Variants in EHBP1 observed in about 807,000 individuals in gnomAD.
EHBP1 encodes the protein EH domain binding protein 1.
In EHBP1, 55 loss-of-function variants were observed where a neutral mutation model predicts 144.0. That is an observed-to-expected ratio of 0.38 (90% confidence interval 0.31 to 0.48). EHBP1 has a LOEUF of 0.48. Ranked by LOEUF, EHBP1 falls within the 20% of genes least tolerant of loss-of-function variation. EHBP1 has a pLI of 0.98. For missense variants in EHBP1, 1,200 were observed against 1,364.2 expected (o/e 0.88, Z 1.90); for synonymous variants, 469 against 472.7 (o/e 0.99, Z 0.10).
chr2:63,001,430 A>G (rs943332399), intron 19 of EHBP1, among the ~76,000 whole-genome samples: 32 of 152,292 alleles, frequency 2.1e-4, no homozygotes, highest in African/African-American at 7.5e-4. Context: ...ACTTTTTTCT[A>G]TACATTCTTC....
intron 1 of EHBP1, among the ~76,000 whole-genome samples, chr2:62,697,142 A>T (rs2034128106): frequency 6.6e-6 from 1 of 152,214 alleles, no homozygotes; most frequent in Admixed American, 6.5e-5. Context: ...CATTTCTCTC[A>T]GACAATGTAA....
chr2:62,818,078 G>T (rs930252208), intron 5 of EHBP1, among the ~76,000 whole-genome samples: 3 of 151,632 alleles, frequency 2.0e-5, no homozygotes, highest in Non-Finnish European at 4.4e-5. Context: ...GAAAAATACA[G>T]GTGTACCATT....
At chr2:62,783,639 CCCTTGCT>C (rs1344230808) in intron 5 of EHBP1, among the ~76,000 whole-genome samples, 8 of 152,236 alleles carry the variant, frequency 5.3e-5, no homozygotes, top group African/African-American at 1.9e-4. Context: ...CCCCTTTTAG[CCCTTGCT>C]CAAGTGGCTG....
At chr2:62,737,951 G>A (rs1255520201) in intron 2 of EHBP1, among the ~76,000 whole-genome samples, 1 of 152,046 alleles carries the variant, frequency 6.6e-6, no homozygotes, top group Non-Finnish European at 1.5e-5. Flanking sequence ...TTTTTGTAGA[G>A]ACAAGGTCTC....
chr2:62,807,845 T>C (rs1368127830), intron 5 of EHBP1, among the ~76,000 whole-genome samples: 1 of 152,144 alleles, frequency 6.6e-6, no homozygotes, highest in Admixed American at 6.5e-5. Flanking sequence ...TCCACACTTG[T>C]TTGTATGGTT....
chr2:62,979,143 C>T (rs2058844636), intron 14 of EHBP1, 45 bp from the exon 15 acceptor site: 1 of 1,563,814 alleles, frequency 6.4e-7, no homozygotes, highest in African/African-American at 1.4e-5. Flanking sequence ...AATGAAATTG[C>T]ATTTCTGTCA....
At chr2:62,749,809 T>C (rs1332641634) in intron 3 of EHBP1, among the ~76,000 whole-genome samples, 2 of 152,216 alleles carry the variant, frequency 1.3e-5, no homozygotes, top group Non-Finnish European at 2.9e-5. Flanking sequence ...TCATATCCTT[T>C]GCCCACTTGT....
intron 7 of EHBP1, among the ~76,000 whole-genome samples, chr2:62,854,912 A>T (rs966051917): frequency 6.6e-6 from 1 of 152,088 alleles, no homozygotes; most frequent in Non-Finnish European, 1.5e-5. Flanking sequence ...GTGCTACTAA[A>T]TCTGCCCAAG....
chr2:62,838,564 A>T lies in EHBP1; in HGVS notation c.634+7406A>T, dbSNP rs531080096. On this transcript the variant is annotated intron_variant, in intron 7 of 22. Coordinates refer to ENST00000431489, the MANE Select transcript of EHBP1 (RefSeq NM_001142616.3). Reference sequence around the variant, plus strand: ...AGTGAATCCAGGAGCTGGTTTTTTGAAAGGATCAACAAAATTGATAGACCA... The same window carrying T: ...AGTGAATCCAGGAGCTGGTTTTTTGTAAGGATCAACAAAATTGATAGACCA... Among the ~76,000 whole-genome samples, 7 of 152,280 alleles carry T rather than the reference A, an allele frequency of 4.6e-5. 1 individual carries two copies. In the South Asian group the frequency reaches 1.5e-3, roughly 32 times the overall value.
At chr2:62,995,647 G>A (rs2059600696) in intron 18 of EHBP1, among the ~76,000 whole-genome samples, 1 of 151,996 alleles carries the variant, frequency 6.6e-6, no homozygotes, top group Non-Finnish European at 1.5e-5. Flanking sequence ...TAGGAGTGGT[G>A]GTGGTAAGAA....
chr2:62,912,308 T>C (rs2054285310), intron 10 of EHBP1, among the ~76,000 whole-genome samples: 1 of 152,108 alleles, frequency 6.6e-6, no homozygotes, highest in Non-Finnish European at 1.5e-5. Flanking sequence ...TCCCAGCACT[T>C]TGGAAGGCTG....
At chr2:62,873,832 T>C (rs2050671809) in intron 9 of EHBP1, among the ~76,000 whole-genome samples, 1 of 152,154 alleles carries the variant, frequency 6.6e-6, no homozygotes, top group South Asian at 2.1e-4. Context: ...ATCACTTAAA[T>C]GTAAGGCTGA....
intron 5 of EHBP1, among the ~76,000 whole-genome samples, chr2:62,820,781 T>TATGC (rs58347952): frequency 8.7e-6 from 1 of 114,296 alleles, no homozygotes; most frequent in Non-Finnish European, 1.8e-5. Flanking sequence ...TATATATATA[T>TATGC]GCACATCTAG....
chr2:62,986,373 T>C (rs927873512), intron 15 of EHBP1, among the ~76,000 whole-genome samples: 4 of 152,054 alleles, frequency 2.6e-5, no homozygotes, highest in East Asian at 1.9e-4. Context: ...CATTTAACAA[T>C]GTTTTTATCT....
In EHBP1 at chr2:63,030,628, C is replaced by T. The variant is rs112794017; in HGVS notation, c.3104-6907C>T. Among the ~76,000 whole-genome samples the T allele has an allele frequency of 3.2e-3, 486 of 151,914 alleles. 3 individuals are homozygous for T. The highest frequency in any genetic ancestry group is 0.011 in the African/African-American group (459 of 41,426). ...TCAGCCTCCCAAGTAGCTGGGACTA[C>T]AGGCGCCCACCACCACACCCAGCTA... is the stretch of plus-strand genomic sequence containing the variant. On this transcript the variant is annotated intron_variant, in intron 19 of 22. Coordinates refer to ENST00000431489, the MANE Select transcript of EHBP1 (RefSeq NM_001142616.3).
At chr2:62,834,636 A>G (rs2047073941) in intron 7 of EHBP1, among the ~76,000 whole-genome samples, 1 of 152,254 alleles carries the variant, frequency 6.6e-6, no homozygotes, top group Non-Finnish European at 1.5e-5. Flanking sequence ...GACTTACTTT[A>G]TTGCAATATT....
chr2:62,705,501 T>TAA (rs554315489), upstream of EHBP1, among the ~76,000 whole-genome samples: 1 of 150,864 alleles, frequency 6.6e-6, no homozygotes, highest in African/African-American at 2.4e-5. Context: ...TTTTTTTTTT[T>TAA]AAAAAAAAGG....
chr2:62,749,091 C>T (rs973663828), intron 3 of EHBP1, among the ~76,000 whole-genome samples: 1 of 152,116 alleles, frequency 6.6e-6, no homozygotes, highest in Non-Finnish European at 1.5e-5. Flanking sequence ...CCCATTAACT[C>T]GTCATTTATA....
chr2:62,747,208 G>T (rs2039241839), intron 2 of EHBP1, among the ~76,000 whole-genome samples, 187 bp from the exon 3 acceptor site: 1 of 152,006 alleles, frequency 6.6e-6, no homozygotes, highest in Non-Finnish European at 1.5e-5. Context: ...GGACATGGAG[G>T]AAATATTAGT....
Sources: gnomAD v4.1 joint callset for allele counts (sites outside exome capture counted in the v4.1 genomes callset) on GRCh38, gnomAD v4.1.1 for gene constraint, MANE v1.5 for transcripts, NCBI Gene and HGNC (gene_info 2026-07-23, HGNC 2026-07-21) for gene names.